TNKS1BP1: variants seen among roughly 807,000 people sequenced by gnomAD.
The protein encoded by TNKS1BP1 is 182 kDa tankyrase-1-binding protein.
Under a neutral mutation model 141.1 loss-of-function variants are expected in TNKS1BP1, and 48 were observed. The observed-to-expected ratio is 0.34, with a 90% confidence interval of 0.27 to 0.43. The LOEUF (loss-of-function observed/expected upper bound fraction) is 0.43, where lower values mean the gene tolerates loss of function less well. Ranked by LOEUF, TNKS1BP1 falls within the 20% of genes least tolerant of loss-of-function variation. TNKS1BP1 has a pLI of 1.00. For missense variants in TNKS1BP1, 2,149 were observed against 2,226.0 expected (o/e 0.97, Z 0.70); for synonymous variants, 875 against 898.2 (o/e 0.97, Z 0.46).
chr11:57,321,643 T>C, intron 2 of TNKS1BP1, 149 bp downstream of exon 2: 1 of 891,020 alleles, frequency 1.1e-6, no homozygotes, highest in Non-Finnish European at 1.7e-6. Context: ...GCTGAGAACC[T>C]TTCAAACTCA....
At chr11:57,305,477 C>A (rs1426492090) in intron 6 of TNKS1BP1, among the ~76,000 whole-genome samples, 1 of 152,150 alleles carries the variant, frequency 6.6e-6, no homozygotes, top group African/African-American at 2.4e-5. Flanking sequence ...CGGTATCCCA[C>A]CCCACCCTCC....
Position 57,302,301 on chromosome 11 carries a change from G to A in TNKS1BP1, c.4684-77C>T. The stretch of plus-strand genomic sequence containing the variant: ...GCCCCTCAACAGTAGCTGACCAGGA[G>A]CTGGACCCCTCCTGCAGCCGGAGCT... On this transcript the variant is annotated intron_variant, in intron 7 of 11. Coordinates refer to ENST00000358252, the MANE Select transcript of TNKS1BP1 (RefSeq NM_033396.3). The surrounding 1 kb of genome is among the most constrained non-coding windows in gnomAD (Gnocchi z 5.5). The A allele has an allele frequency of 6.4e-7, 1 of 1,554,568 alleles. No homozygotes were observed. Among genetic ancestry groups the A allele is most frequent in the Non-Finnish European group, 8.7e-7 (1 of 1,148,380 alleles).
Position 57,313,762 on chromosome 11 carries a change from T to C in TNKS1BP1, c.926A>G (p.Lys309Arg), listed in dbSNP as rs1389622194. 6.2e-7 allele frequency: 1 copy of C among 1,601,164 alleles called. No individual in the cohort carries two copies. Among genetic ancestry groups the C allele is most frequent in the Non-Finnish European group, 8.5e-7 (1 of 1,174,492 alleles). ...AAGCTGTGAGTGGCAGGGAGAACTC[T>C]TATCAGGCGGGTGAAGATGGGGAGA... Reference protein sequence around the residue: ...PGSPHLHPPDKSSPCHSQLLE... With the variant: ...PGSPHLHPPDRSSPCHSQLLE... Residue 309 changes from lysine to arginine, a missense_variant, in exon 5 of 12, where the codon AAG (lysine) becomes AGG (arginine). Lys to Arg is a conservative substitution (Grantham distance 26). Transcript: ENST00000358252.
rs766800530 is a variant in TNKS1BP1 at position 57,317,920 on chromosome 11, G to A, written c.729-33C>T. On this transcript the variant is annotated intron_variant, in intron 3 of 11. Coordinates refer to ENST00000358252, the MANE Select transcript of TNKS1BP1 (RefSeq NM_033396.3). Reference sequence around the variant, plus strand: ...GGACGAGGACAGGAAATGGAAGCACGGAATGTTAGAGTCTGTCACAGAATG... The same window carrying A: ...GGACGAGGACAGGAAATGGAAGCACAGAATGTTAGAGTCTGTCACAGAATG... The A allele has an allele frequency of 3.1e-5, 49 of 1,601,886 alleles. No homozygotes were observed. In the South Asian group the frequency reaches 3.5e-4, roughly 12 times the overall value.
chr11:57,302,254 A>G lies in TNKS1BP1; in HGVS notation c.4684-30T>C. On this transcript the variant is annotated intron_variant, in intron 7 of 11. Coordinates refer to ENST00000358252, the MANE Select transcript of TNKS1BP1 (RefSeq NM_033396.3). This position sits in a 1 kb window ranked among gnomAD's most constrained non-coding sequence, Gnocchi z 5.5. Reference sequence around the variant, plus strand: ...TTGGGGCAATGGTGACACCACTGCCATTGCTGCCTCATCCCACGGGAGCCC... The same window carrying G: ...TTGGGGCAATGGTGACACCACTGCCGTTGCTGCCTCATCCCACGGGAGCCC... The G allele has an allele frequency of 6.3e-7, 1 of 1,593,924 alleles. No homozygotes were observed. The highest frequency in any genetic ancestry group is 2.3e-5 in the East Asian group (1 of 44,292).
At position 57,313,120 on chromosome 11, in the gene TNKS1BP1, CCTT is replaced by C. The variant is rs779565467; in HGVS notation, c.1565_1567del (p.Glu522del). 22 of 1,613,288 alleles carry C rather than the reference CCTT, an allele frequency of 1.4e-5. No individual in the cohort carries two copies. The highest frequency in any genetic ancestry group is 6.6e-5 in the South Asian group (6 of 91,088). On this transcript the variant is annotated inframe_deletion, in exon 5 of 12. Transcript: ENST00000358252. Reference sequence around the variant, plus strand: ...AGCCCCTTGCCCCTGCTGAGACACTCCTTCTTCCCTGCTGGAAACGGCCAAGTT... The same window carrying C: ...AGCCCCTTGCCCCTGCTGAGACACTCCTTCCCTGCTGGAAACGGCCAAGTT...
rs764457382 is a variant in TNKS1BP1 at position 57,309,035 on chromosome 11, C to G, written c.3676G>C (p.Asp1226His). ...TTCACATTAACATCAGAAGTCCAGT[C>G]CTTCTCCCCAACTCCGATTCCCCCC... is the stretch of plus-strand genomic sequence containing the variant. ...EPGGIGVGEK[D>H]WTSDVNVKSK... The change falls in exon 6 of 12, where the codon GAC (aspartate) becomes CAC (histidine). Residue 1226 changes from aspartate to histidine, a missense_variant. Transcript: ENST00000358252. This position sits in a 1 kb window ranked among gnomAD's most constrained non-coding sequence, Gnocchi z 4.3. 13 of 1,614,190 alleles carry G rather than the reference C, an allele frequency of 8.1e-6. No individual in the cohort carries two copies. The highest frequency in any genetic ancestry group is 1.0e-5 in the Non-Finnish European group (12 of 1,180,022).
rs749943500 is a variant in TNKS1BP1, at chr11:57,302,680, C to T, written c.4462G>A (p.Gly1488Arg). ...ACCTCCTCTTGGGCAGCACCTGCCC[C>T]GGCTCCTTCCTCCTCCAACAGGCCC... ...LGGLLEEEGA[G>R]AGAAQEEVLE... Residue 1488 changes from glycine to arginine, a missense_variant, in exon 7 of 12, where the codon GGG becomes AGG. Transcript: ENST00000358252. The surrounding 1 kb of genome is among the most constrained non-coding windows in gnomAD (Gnocchi z 5.5). 96 of 1,607,182 alleles carry T rather than the reference C, an allele frequency of 6.0e-5. No homozygotes were observed. The highest frequency in any genetic ancestry group is 5.9e-5 in the Non-Finnish European group (70 of 1,178,260).
rs538589822 is a variant in TNKS1BP1 at position 57,302,885 on chromosome 11, G to GCCTA, written c.4317-64_4317-61dup. The GCCTA allele has an allele frequency of 9.1e-5, 131 of 1,442,190 alleles. 2 individuals carry two copies. In the South Asian group the frequency reaches 1.9e-3, roughly 21 times the overall value. The allele number at this position is 1,442,190 out of a possible 1,614,324, so 89.3% of individuals were successfully genotyped here. A position where few individuals can be genotyped will look rare whatever the true frequency, so the allele number is the denominator to read the frequency against. On this transcript the variant is annotated intron_variant, in intron 6 of 11. Coordinates refer to ENST00000358252, the MANE Select transcript of TNKS1BP1 (RefSeq NM_033396.3). The surrounding 1 kb of genome is among the most constrained non-coding windows in gnomAD (Gnocchi z 5.5). ...TAAGGCCCCATCTCCCTGCCCTGAAGCCTACTTCACAAGCTCCTTCCCCCA... is the reference window on the plus strand; with the variant it reads ...TAAGGCCCCATCTCCCTGCCCTGAAGCCTACCTACTTCACAAGCTCCTTCCCCCA...
At chr11:57,312,295 G>A (rs1395199918) in intron 5 of TNKS1BP1, among the ~76,000 whole-genome samples, 3 of 152,176 alleles carry the variant, frequency 2.0e-5, no homozygotes, top group Admixed American at 6.5e-5. Flanking sequence ...GTTAAGGTAC[G>A]TTCTTCCCAA....
intron 1 of TNKS1BP1, among the ~76,000 whole-genome samples, chr11:57,324,363 GGCT>G (rs1348421049): frequency 6.6e-6 from 1 of 152,198 alleles, no homozygotes; most frequent in Non-Finnish European, 1.5e-5. Context: ...AGGAGGAGGG[GGCT>G]GCGGTGGCGG....
Position 57,302,828 on chromosome 11 carries a change from G to A in TNKS1BP1, c.4317-3C>T. On this transcript the variant is annotated splice_region_variant and splice_polypyrimidine_tract_variant and intron_variant, in intron 6 of 11. Transcript: ENST00000358252. This position sits in a 1 kb window ranked among gnomAD's most constrained non-coding sequence, Gnocchi z 5.5. ...GGCGGGCCGGGCACCTGCCAGGGCT[G>A]TAAAGGGGACAGAGAGAGAACGAGA... is the stretch of plus-strand genomic sequence containing the variant. The A allele has an allele frequency of 6.6e-7, 1 of 1,524,756 alleles. No individual in the cohort carries two copies. The highest frequency in any genetic ancestry group is 1.2e-5 in the South Asian group (1 of 80,552). The allele number at this position is 1,524,756 out of a possible 1,614,324, so 94.5% of individuals were successfully genotyped here. A position where few individuals can be genotyped will look rare whatever the true frequency, so the allele number is the denominator to read the frequency against.
intron 3 of TNKS1BP1, among the ~76,000 whole-genome samples, chr11:57,318,254 CT>C (rs1277322631): frequency 6.6e-6 from 1 of 152,244 alleles, no homozygotes; most frequent in African/African-American, 2.4e-5. Flanking sequence ...GCAGCTGGTC[CT>C]GCTGCCCTGC....
At chr11:57,315,757 G>A (rs1399465092) in intron 4 of TNKS1BP1, among the ~76,000 whole-genome samples, 5 of 70,402 alleles carry the variant, frequency 7.1e-5, no homozygotes, top group East Asian at 8.2e-4. Context: ...CCCCCCCACC[G>A]CCACACACAC....
rs777578601 is a variant in TNKS1BP1, at chr11:57,312,665, G to T, written c.2023C>A (p.Pro675Thr). 1 of 1,586,830 alleles carries T rather than the reference G, an allele frequency of 6.3e-7. No individual in the cohort carries two copies. The highest frequency in any genetic ancestry group is 8.6e-7 in the Non-Finnish European group (1 of 1,166,344). Residue 675 changes from proline to threonine, a missense_variant, in exon 5 of 12, where the codon CCT becomes ACT. By Grantham distance (38) the Pro-to-Thr change is conservative (BLOSUM62 -1). Transcript: ENST00000358252. ...CGGGAGCTGCTTTCAGGGCCTGGAG[G>T]CTCGGGGGATGCCCTACACAAGTCT... ...AQDLCRASPE[P>T]PGPESSSRWL...
In TNKS1BP1 at chr11:57,320,652, G is replaced by C. The variant is rs779370904; in HGVS notation, c.155C>G (p.Ala52Gly). 6.2e-7 allele frequency: 1 copy of C among 1,610,380 alleles called. No homozygotes were observed. The highest frequency in any genetic ancestry group is 8.5e-7 in the Non-Finnish European group (1 of 1,178,098). Reference sequence around the variant, plus strand: ...CAGCAGGCTGGGTTTGGCAGGCAGGGCTGGCTTGGCAGGCAGGGCCCGGGG... The same window carrying C: ...CAGCAGGCTGGGTTTGGCAGGCAGGCCTGGCTTGGCAGGCAGGGCCCGGGG... ...PKPRALPAKPALPAKPSLLVP... is the reference protein window; with the variant it reads ...PKPRALPAKPGLPAKPSLLVP... The change falls in exon 3 of 12, where the codon GCC (alanine) becomes GGC (glycine). Residue 52 changes from alanine to glycine, a missense_variant. By Grantham distance (60) the Ala-to-Gly change is moderately conservative. Transcript: ENST00000358252.
In TNKS1BP1 at chr11:57,320,585, C is replaced by A; in HGVS notation, c.222G>T (p.Glu74Asp). ...GPRPPRGPLA[E>D]LPSARKMNML... ...TGTTCATCTTCCTGGCAGAAGGCAA[C>A]TCAGCCAGGGGACCCCGGGGAGGCC... The change falls in exon 3 of 12, where the codon GAG becomes GAT. Residue 74 changes from glutamate (E) to aspartate (D), a missense_variant. Glu to Asp is a conservative substitution (Grantham distance 45). Transcript: ENST00000358252. The A allele has an allele frequency of 1.9e-6, 3 of 1,614,080 alleles. No individual in the cohort carries two copies. The highest frequency in any genetic ancestry group is 2.5e-6 in the Non-Finnish European group (3 of 1,180,004).
rs1333435353 is a variant in TNKS1BP1, at chr11:57,302,128, A to G, written c.4780T>C (p.Leu1594=). The G allele has an allele frequency of 1.9e-6, 3 of 1,613,734 alleles. No homozygotes were observed. The African/African-American group carries it at 4.0e-5, about 22-fold the overall frequency. ...GAGTCTGCTGCCTCCGACAGGCCCA[A>G]GGTACCCCCAGGCCGAATGACCGGG... ...RAPVIRPGGT[L]GLSEAADSDA... The change falls in exon 8 of 12, where the codon TTG becomes CTG. Residue 1594 remains leucine (L), a synonymous_variant. Transcript: ENST00000358252. This position sits in a 1 kb window ranked among gnomAD's most constrained non-coding sequence, Gnocchi z 5.5.
At chr11:57,320,845 G>A in intron 2 of TNKS1BP1, 133 bp from the exon 3 acceptor site, 1 of 1,071,448 alleles carries the variant, frequency 9.3e-7, no homozygotes, top group Non-Finnish European at 1.3e-6. Flanking sequence ...CAAGTCATAT[G>A]CCACCTCTTC....
Sources: allele counts gnomAD v4.1 joint callset (sites outside exome capture counted in the v4.1 genomes callset), GRCh38; gene constraint gnomAD v4.1.1; non-coding constraint Gnocchi (gnomAD v3.1); transcripts MANE v1.5; gene names NCBI Gene and HGNC (gene_info 2026-07-23, HGNC 2026-07-21).